The following MBTD1 variants were observed in gnomAD, a reference collection of about 807,000 sequenced individuals.
MBTD1 encodes mbt domain containing 1, also known as MBT domain-containing protein 1.
A neutral mutation model predicts 87.8 loss-of-function variants in MBTD1; 24 were observed. The observed-to-expected ratio is 0.27, with a 90% CI of 0.20 to 0.38. MBTD1 has a LOEUF of 0.38. Ranked by LOEUF, MBTD1 falls within the 10% of genes least tolerant of loss-of-function variation. MBTD1 has a pLI of 1.00. For synonymous variants in MBTD1, 237 were observed against 248.6 expected (o/e 0.95, Z 0.44); for missense variants, 436 against 760.2 (o/e 0.57, Z 5.02).
At chr17:51,219,103 T>A in intron 4 of MBTD1, 59 bp from the exon 5 acceptor site, 1 of 818,652 alleles carries the variant, frequency 1.2e-6, no homozygotes, top group Non-Finnish European at 2.1e-6. Flanking sequence ...CACCACAATT[T>A]AACTGGACTG....
chr17:51,231,333 C>T (rs1157559357), intron 2 of MBTD1, among the ~76,000 whole-genome samples: 28 of 152,134 alleles, frequency 1.8e-4, no homozygotes, highest in Admixed American at 1.8e-3. Flanking sequence ...CCTTAAATGT[C>T]AACCCAGAAT....
At chr17:51,191,978 C>T in intron 16 of MBTD1, 2 of 521,008 alleles carry the variant, frequency 3.8e-6, no homozygotes, top group Non-Finnish European at 3.4e-6. Flanking sequence ...TATTCTTTAC[C>T]ACGTATACTT....
In MBTD1 at chr17:51,255,516, T is replaced by C. The variant is rs115202857; in HGVS notation, c.-49+3627A>G. 2.5e-3 allele frequency among the ~76,000 whole-genome samples: 385 copies of C among 152,296 alleles called. 1 individual carries two copies. Among genetic ancestry groups the C allele is most frequent in the African/African-American group, 9.0e-3 (373 of 41,564 alleles). ...ACATACAGATACACAAGGGGGCTAC[T>C]TCTCTGGTGTATAAAATAATCTCTA... On this transcript the variant is annotated intron_variant, in intron 2 of 16. Transcript: ENST00000586178.
chr17:51,196,126 G>T (rs1269349248), intron 12 of MBTD1, among the ~76,000 whole-genome samples: 3 of 152,042 alleles, frequency 2.0e-5, no homozygotes, highest in Non-Finnish European at 4.4e-5. Context: ...TGCTCAGGCT[G>T]GTCTCAAACT....
chr17:51,215,749 T>C (rs2052530555), intron 6 of MBTD1, among the ~76,000 whole-genome samples: 1 of 152,198 alleles, frequency 6.6e-6, no homozygotes, highest in South Asian at 2.1e-4. Context: ...TAAGGCAAGA[T>C]GTCACTGACT....
intron 2 of MBTD1, among the ~76,000 whole-genome samples, chr17:51,247,410 C>T (rs2054504851): frequency 6.8e-6 from 1 of 147,910 alleles, no homozygotes; most frequent in African/African-American, 2.5e-5. Context: ...ATTTTTTGAG[C>T]TATCTTGATC....
upstream of MBTD1, chr17:51,260,807 C>T (rs1333474941): frequency 7.6e-6 from 12 of 1,585,960 alleles, no homozygotes; most frequent in Non-Finnish European, 9.4e-6. Flanking sequence ...GCTCCGGCAG[C>T]GGAACCGCCT....
intron 6 of MBTD1, among the ~76,000 whole-genome samples, chr17:51,211,257 C>T (rs758338698): frequency 3.3e-5 from 5 of 151,788 alleles, no homozygotes; most frequent in Non-Finnish European, 5.9e-5. Context: ...CTTTGGGAGG[C>T]CAAGGTTGGG....
At chr17:51,218,753 T>C (rs184404790) in intron 5 of MBTD1, among the ~76,000 whole-genome samples, 177 bp downstream of exon 5, 3 of 152,294 alleles carry the variant, frequency 2.0e-5, no homozygotes, top group Non-Finnish European at 2.9e-5. Context: ...CATGCAACTA[T>C]ACTCTTCTAG....
chr17:51,217,463 T>C (rs765486218), intron 5 of MBTD1, 47 bp from the exon 6 acceptor site: 43 of 902,498 alleles, frequency 4.8e-5, no homozygotes, highest in Non-Finnish European at 7.1e-5. Flanking sequence ...AAATCTTTTA[T>C]TTATAAGAAG....
chr17:51,260,444 A>T, upstream of MBTD1: 2 of 885,848 alleles, frequency 2.3e-6, no homozygotes, highest in South Asian at 1.8e-5. Context: ...ACGTAGAGGG[A>T]GGGAGTGCTG....
Position 51,220,366 on chromosome 17 carries a change from T to C in MBTD1, c.252A>G (p.Ser84=). 2 of 1,551,102 alleles carry C rather than the reference T, an allele frequency of 1.3e-6. No homozygotes were observed. Among genetic ancestry groups the C allele is most frequent in the Non-Finnish European group, 1.7e-6 (2 of 1,146,414 alleles). ...CCAAAATGCTTGCCTTCTTGGAGTT[T>C]GACGAGTAACTTCTTGAACATGAAA... ...CSVSCSRSYS[S]NSKKASILAR... The change falls in exon 4 of 17, where the codon TCA becomes TCG. Residue 84 remains serine (S), a synonymous_variant. Coordinates refer to ENST00000586178, the MANE Select transcript of MBTD1 (RefSeq NM_017643.3).
chr17:51,190,067 T>C (rs1314984463), intron 16 of MBTD1, among the ~76,000 whole-genome samples: 1 of 152,148 alleles, frequency 6.6e-6, no homozygotes, highest in Non-Finnish European at 1.5e-5. Flanking sequence ...AGTACTACTA[T>C]AGTGGACAGT....
chr17:51,235,239 T>G (rs1488328230), intron 2 of MBTD1, among the ~76,000 whole-genome samples: 4 of 151,972 alleles, frequency 2.6e-5, no homozygotes. Context: ...GGGTTCAAGC[T>G]ATTCTCGTGC....
Position 51,197,089 on chromosome 17 carries a change from T to G in MBTD1, c.1225-1728A>C, listed in dbSNP as rs1429440956. 5.2e-3 allele frequency among the ~76,000 whole-genome samples: 60 copies of G among 11,502 alleles called. 6 individuals carry two copies. The highest frequency in any genetic ancestry group is 0.013 in the Admixed American group (13 of 972). The allele number at this position is 11,502 out of a possible 152,430, so 7.5% of individuals were successfully genotyped here. On this transcript the variant is annotated intron_variant, in intron 12 of 16. Transcript: ENST00000586178. ...ATATATATATATATATATATATATA[T>G]ATATATATATATATATATATATATA...
At chr17:51,208,491 T>C (rs2051985187) in intron 6 of MBTD1, among the ~76,000 whole-genome samples, 1 of 152,210 alleles carries the variant, frequency 6.6e-6, no homozygotes, top group African/African-American at 2.4e-5. Flanking sequence ...CCAGCAGATA[T>C]GATTAAAAAG....
At chr17:51,237,295 CAAAAAAAAAAAA>C (rs368805446) in intron 2 of MBTD1, among the ~76,000 whole-genome samples, 1 of 60,488 alleles carries the variant, frequency 1.7e-5, no homozygotes, top group Non-Finnish European at 3.6e-5. Context: ...GACTCCATCT[CAAAAAAAAAAAA>C]AAAAAAAAGA....
chr17:51,249,676 T>C (rs575764677), intron 2 of MBTD1: 1 of 152,312 alleles, frequency 6.6e-6, no homozygotes, highest in South Asian at 2.1e-4. Context: ...ATGTACTGTA[T>C]ACTTTTTTTT....
intron 6 of MBTD1, among the ~76,000 whole-genome samples, chr17:51,213,003 C>G (rs1038089068): frequency 7.9e-5 from 12 of 152,166 alleles, no homozygotes; most frequent in African/African-American, 2.4e-4. Flanking sequence ...GCTGGGATTA[C>G]AGGCGTGAGT....
Sources: allele counts gnomAD v4.1 joint callset (sites outside exome capture counted in the v4.1 genomes callset), GRCh38; gene constraint gnomAD v4.1.1; transcripts MANE v1.5; gene names NCBI Gene and HGNC (gene_info 2026-07-23, HGNC 2026-07-21).